Variants in CTNND2 observed in about 807,000 individuals in gnomAD.
CTNND2 encodes the protein catenin delta 2.
In CTNND2, 22 loss-of-function variants were observed where a neutral mutation model predicts 144.4. The ratio of observed to expected loss-of-function variants is 0.15; its 90% CI spans 0.11 to 0.22. CTNND2 has a LOEUF of 0.22. Among genes scored for constraint, CTNND2 ranks in the 10% least tolerant of loss-of-function variants. The pLI is 1.00. For synonymous variants in CTNND2, 751 were observed against 695.6 expected, an observed-to-expected ratio of 1.08 and a Z score of -1.25; for missense variants, 1,353 against 1,618.8, an observed-to-expected ratio of 0.84 and a Z score of 2.82.
intron 10 of CTNND2, among the ~76,000 whole-genome samples, chr5:11,207,478 T>C (rs958279833): frequency 6.6e-6 from 1 of 152,124 alleles, no homozygotes; most frequent in African/African-American, 2.4e-5. Context: ...AAAACAAATA[T>C]TCACTGTCTA....
intron 7 of CTNND2, among the ~76,000 whole-genome samples, chr5:11,382,595 CTGTGTGT>C (rs1385428633): frequency 7.7e-6 from 1 of 130,148 alleles, no homozygotes; most frequent in African/African-American, 3.0e-5. Flanking sequence ...GAGTGAGACT[CTGTGTGT>C]GTGTGTGTGT....
At chr5:11,467,029 G>A (rs1298752327) in intron 3 of CTNND2, among the ~76,000 whole-genome samples, 2 of 152,206 alleles carry the variant, frequency 1.3e-5, no homozygotes, top group African/African-American at 4.8e-5. Context: ...ACATGGAAAT[G>A]CCCAGGCTCA....
chr5:11,505,600 A>T (rs1770955605), intron 3 of CTNND2, among the ~76,000 whole-genome samples: 1 of 152,190 alleles, frequency 6.6e-6, no homozygotes, highest in African/African-American at 2.4e-5. Context: ...AACAAAAAGG[A>T]AAACCAAAAA....
At chr5:11,777,443 C>A (rs182850655) in intron 1 of CTNND2, among the ~76,000 whole-genome samples, 3 of 152,284 alleles carry the variant, frequency 2.0e-5, no homozygotes, top group Admixed American at 1.3e-4. Flanking sequence ...TGTTTATATT[C>A]ATACTTCCCA....
intron 8 of CTNND2, among the ~76,000 whole-genome samples, chr5:11,349,325 G>A (rs181534096): frequency 1.6e-4 from 25 of 152,252 alleles, no homozygotes; most frequent in Admixed American, 1.6e-3. Flanking sequence ...TTTGAGTGCT[G>A]GGCTCTGTTG....
chr5:11,502,693 C>G (rs1770656176), intron 3 of CTNND2, among the ~76,000 whole-genome samples: 1 of 152,130 alleles, frequency 6.6e-6, no homozygotes, highest in South Asian at 2.1e-4. Context: ...CCCAGACTAT[C>G]ATCCTCATAG....
chr5:11,684,941 CCTT>C (rs1393260580), intron 2 of CTNND2, among the ~76,000 whole-genome samples: 1 of 152,230 alleles, frequency 6.6e-6, no homozygotes, highest in Non-Finnish European at 1.5e-5. Context: ...ATGGTCCAAT[CCTT>C]CTTCCCTCTA....
chr5:11,819,889 T>G (rs1392835377), intron 1 of CTNND2, among the ~76,000 whole-genome samples: 2 of 152,158 alleles, frequency 1.3e-5, no homozygotes, highest in African/African-American at 4.8e-5. Context: ...ATGTTAGTGA[T>G]TCTCTTCTTG....
intron 17 of CTNND2, among the ~76,000 whole-genome samples, chr5:11,020,509 T>TA (rs1354638485): frequency 6.6e-6 from 1 of 152,184 alleles, no homozygotes; most frequent in East Asian, 1.9e-4. Context: ...AAATAAATTC[T>TA]ATTTCCTTAA....
chr5:11,696,755 C>T (rs555343568), intron 2 of CTNND2, among the ~76,000 whole-genome samples: 1 of 152,280 alleles, frequency 6.6e-6, no homozygotes, highest in East Asian at 1.9e-4. Flanking sequence ...GAAACCCAGA[C>T]AGTAGTCATA....
At chr5:11,424,590 C>T (rs1275728695) in intron 3 of CTNND2, among the ~76,000 whole-genome samples, 3 of 151,176 alleles carry the variant, frequency 2.0e-5, no homozygotes, top group Non-Finnish European at 4.4e-5. Flanking sequence ...AGGGGCTAGG[C>T]GAAGTTAGAA....
chr5:11,553,299 G>T (rs140032469), intron 3 of CTNND2, among the ~76,000 whole-genome samples: 11 of 152,226 alleles, frequency 7.2e-5, no homozygotes. Context: ...TTTCTGTGTG[G>T]TTGTCTAGAC....
chr5:11,553,539 A>G (rs1054684705), intron 3 of CTNND2, among the ~76,000 whole-genome samples: 1 of 152,238 alleles, frequency 6.6e-6, no homozygotes, highest in Non-Finnish European at 1.5e-5. Context: ...ATAGAAGAGC[A>G]TTATCCCCAT....
chr5:11,831,523 C>T (rs1793900094), intron 1 of CTNND2, among the ~76,000 whole-genome samples: 1 of 151,912 alleles, frequency 6.6e-6, no homozygotes, highest in Admixed American at 6.6e-5. Context: ...AAAAAATTAG[C>T]CAGGTGTGCT....
chr5:11,646,836 T>C (rs1782383220), intron 2 of CTNND2, among the ~76,000 whole-genome samples: 1 of 152,120 alleles, frequency 6.6e-6, no homozygotes, highest in Non-Finnish European at 1.5e-5. Flanking sequence ...TTGCCTGACC[T>C]CCTTCTGCAA....
At chr5:11,634,546 G>A (rs749014576) in intron 2 of CTNND2, among the ~76,000 whole-genome samples, 32 of 152,088 alleles carry the variant, frequency 2.1e-4, no homozygotes, top group African/African-American at 6.3e-4. Flanking sequence ...TTTAAAAACC[G>A]GGGTTCTCAA....
intron 18 of CTNND2, 67 bp from the exon 19 acceptor site, chr5:10,992,744 T>A: frequency 6.4e-7 from 1 of 1,574,342 alleles, no homozygotes; most frequent in Non-Finnish European, 8.6e-7. Flanking sequence ...CGGACATTTT[T>A]AAGTTCCAAG....
intron 9 of CTNND2, among the ~76,000 whole-genome samples, chr5:11,242,207 G>T (rs186692696): frequency 1.3e-5 from 2 of 152,118 alleles, no homozygotes; most frequent in African/African-American, 4.8e-5. Flanking sequence ...TAACGTGAGC[G>T]CATACTAAAA....
rs564765981 is a variant in CTNND2, at chr5:11,295,420, T to C, written c.1628+50952A>G. On this transcript the variant is annotated intron_variant, in intron 9 of 21. Transcript: ENST00000304623. ...TGGCCATACTGCCCAAGGTAATTTA[T>C]AGATTCAATGCCATCCCCATCAAGC... Among the ~76,000 whole-genome samples, 252 of 152,252 alleles carry C rather than the reference T, an allele frequency of 1.7e-3. 1 individual carries two copies. Among genetic ancestry groups the C allele is most frequent in the African/African-American group, 5.8e-3 (243 of 41,548 alleles).
Sources: gnomAD v4.1 joint callset for allele counts (sites outside exome capture counted in the v4.1 genomes callset) on GRCh38, gnomAD v4.1.1 for gene constraint, MANE v1.5 for transcripts, NCBI Gene and HGNC (gene_info 2026-07-23, HGNC 2026-07-21) for gene names.